The following ATR variants were observed in gnomAD, a reference collection of about 807,000 sequenced individuals.
ATR encodes ATR checkpoint kinase.
ATR carries 142 observed loss-of-function variants against 305.3 expected under a neutral mutation model. That is an observed-to-expected ratio of 0.47 (90% CI 0.41 to 0.53). The LOEUF is 0.53. Among genes scored for constraint, ATR ranks in the 20% least tolerant of loss-of-function variants. The probability of loss-of-function intolerance (pLI) is 0.00; values close to 1 mark genes in which losing one functional copy is unlikely to be tolerated. For synonymous variants in ATR, 1,050 were observed against 1,068.1 expected, an observed-to-expected ratio of 0.98 and a Z score of 0.33; for missense variants, 2,135 against 3,133.1, an observed-to-expected ratio of 0.68 and a Z score of 7.60.
intron 15 of ATR, 65 bp from the exon 16 acceptor site, chr3:142,547,975 T>C (rs1218997417): frequency 1.4e-6 from 2 of 1,396,874 alleles, no homozygotes; most frequent in Non-Finnish European, 2.0e-6. Context: ...ATAAGTATAC[T>C]GATTTTAACA....
chr3:142,536,103 A>T lies in ATR; in HGVS notation c.3819+5T>A. On this transcript the variant is annotated splice_donor_5th_base_variant and intron_variant, in intron 20 of 46. Coordinates refer to ENST00000350721, the MANE Select transcript of ATR (RefSeq NM_001184.4). ...CTCCTAAACCACAAATTAAAAATTA[A>T]ATACCTTTCTGTATTCCTGGAGAAC... 1 of 1,542,056 alleles carries T rather than the reference A, an allele frequency of 6.5e-7. No individual in the cohort carries two copies. The highest frequency in any genetic ancestry group is 9.0e-7 in the Non-Finnish European group (1 of 1,115,252).
chr3:142,456,494 C>T (rs1398002511), intron 45 of ATR, among the ~76,000 whole-genome samples: 1 of 151,990 alleles, frequency 6.6e-6, no homozygotes. Flanking sequence ...ATCGTTTGAA[C>T]CCAGGAGGCA....
In ATR at chr3:142,562,850, T is replaced by A. The variant is rs753005644; in HGVS notation, c.552A>T (p.Glu184Asp). 9.9e-6 allele frequency: 16 copies of A among 1,609,378 alleles called. No individual in the cohort carries two copies. The highest frequency in any genetic ancestry group is 1.4e-5 in the Non-Finnish European group (16 of 1,178,544). Residue 184 changes from glutamate to aspartate, a missense_variant, in exon 4 of 47, where the codon GAA becomes GAT. Around this residue, in one of 9 missense-constraint regions of ATR, gnomAD observed 744 missense variants for 873.2 expected, o/e 0.85. Coordinates refer to ENST00000350721, the MANE Select transcript of ATR (RefSeq NM_001184.4). ...VMSRFLSQLD[E>D]HMGYLQSAPL... ...GAGCTGATTGTAAATATCCCATGTG[T>A]TCATCTAATTGACTTAAAAATCGGC...
chr3:142,452,252 T>G, intron 46 of ATR: 7 of 995,634 alleles, frequency 7.0e-6, no homozygotes, highest in Non-Finnish European at 8.4e-6. Context: ...GAATGTAAAT[T>G]TTTAATCTTT....
At chr3:142,541,092 T>C in intron 17 of ATR, 58 bp from the exon 18 acceptor site, 1 of 1,595,130 alleles carries the variant, frequency 6.3e-7, no homozygotes, top group African/African-American at 1.3e-5. Flanking sequence ...CAGAAGCAGA[T>C]GAGCCCTAAG....
At chr3:142,514,319 T>C (rs141464357) in intron 25 of ATR, among the ~76,000 whole-genome samples, 1 of 150,388 alleles carries the variant, frequency 6.6e-6, no homozygotes, top group African/African-American at 2.4e-5. Context: ...TAATGATATT[T>C]TAAAACACTA....
rs2032702060 is a variant in ATR at position 142,513,580 on chromosome 3, T to G, written c.4562A>C (p.Asp1521Ala). Residue 1521 changes from aspartate to alanine, a missense_variant, in exon 26 of 47, where the codon GAT (aspartate) becomes GCT (alanine). Around this residue, in one of 9 missense-constraint regions of ATR, gnomAD observed 202 missense variants for 252.9 expected, o/e 0.80. Transcript: ENST00000350721. The part of the protein sequence containing the change: ...FTCCSIMMKH[D>A]FKVTIYLLPH... ...AAGAAGATAGATGGTCACTTTGAAATCATGCTTCATCATAATGCTACAGCA... is the reference window on the plus strand; with the variant it reads ...AAGAAGATAGATGGTCACTTTGAAAGCATGCTTCATCATAATGCTACAGCA... 6.2e-7 allele frequency: 1 copy of G among 1,613,480 alleles called. No homozygotes were observed. Among genetic ancestry groups the G allele is most frequent in the Non-Finnish European group, 8.5e-7 (1 of 1,179,532 alleles).
rs1406692405 is a variant in ATR at position 142,535,133 on chromosome 3, C to T, written c.3892G>A (p.Asp1298Asn). ...SMKAIQHENV[D>N]VRIHALTSLK... is the part of the protein sequence containing the mutation. Reference sequence around the variant, plus strand: ...CTTGTAAGAGCATGAATACGAACATCGACATTTTCATGTTGAATGGCCTTC... The same window carrying T: ...CTTGTAAGAGCATGAATACGAACATTGACATTTTCATGTTGAATGGCCTTC... The change falls in exon 21 of 47, where the codon GAT (aspartate) becomes AAT (asparagine). Residue 1298 changes from aspartate (D) to asparagine (N), a missense_variant. Physicochemically the swap from Asp to Asn is conservative, Grantham distance 23. Around this residue, in one of 9 missense-constraint regions of ATR, gnomAD observed 530 missense variants for 766.8 expected, o/e 0.69. Transcript: ENST00000350721. 4 of 1,612,932 alleles carry T rather than the reference C, an allele frequency of 2.5e-6. No individual in the cohort carries two copies. The highest frequency in any genetic ancestry group is 3.4e-6 in the Non-Finnish European group (4 of 1,179,356).
rs537834620 is a variant in ATR, at chr3:142,474,900, T to C, written c.6222-4717A>G. Among the ~76,000 whole-genome samples, 5 of 152,186 alleles carry C rather than the reference T, an allele frequency of 3.3e-5. No homozygotes were observed. In the East Asian group the frequency reaches 9.6e-4, roughly 29 times the overall value. ...ACTGTGTTGAGGTACATTCCTTCTA[T>C]ACATATTTTTTTTTTAAAAAAAGTT... On this transcript the variant is annotated intron_variant, in intron 36 of 46. Coordinates refer to ENST00000350721, the MANE Select transcript of ATR (RefSeq NM_001184.4).
At chr3:142,511,656 A>C in intron 27 of ATR, among the ~76,000 whole-genome samples, 1 of 147,688 alleles carries the variant, frequency 6.8e-6, no homozygotes, top group East Asian at 2.0e-4. Context: ...ACTCCATCTC[A>C]AAAAAAAATT....
intron 3 of ATR, among the ~76,000 whole-genome samples, chr3:142,564,961 T>C (rs879765102): frequency 1.3e-5 from 2 of 152,116 alleles, no homozygotes; most frequent in South Asian, 4.1e-4. Context: ...TTGGTTTTGG[T>C]AGAGACAGGA....
Position 142,467,948 on chromosome 3 carries a change from A to G in ATR, c.6673T>C (p.Leu2225=). The change falls in exon 39 of 47, where the codon TTG becomes CTG. Residue 2225 remains leucine (L), a synonymous_variant. Transcript: ENST00000350721. ...TATGATAGTACCGGTTTATTGCACA[A>G]TTCTAGAAGCTTATCTGTTAGGCGA... The part of the protein sequence containing the change: ...ATRLTDKLLE[L]CNKPVDGSSS... 6.2e-7 allele frequency: 1 copy of G among 1,612,888 alleles called. No homozygotes were observed. The highest frequency in any genetic ancestry group is 8.5e-7 in the Non-Finnish European group (1 of 1,179,412).
chr3:142,461,894 T>C, intron 42 of ATR, 46 bp downstream of exon 42: 1 of 1,577,060 alleles, frequency 6.3e-7, no homozygotes, highest in East Asian at 2.2e-5. Flanking sequence ...CCATATTATA[T>C]AACTTAGTAC....
intron 30 of ATR, among the ~76,000 whole-genome samples, chr3:142,501,441 G>A (rs2031959020): frequency 6.6e-6 from 1 of 152,138 alleles, no homozygotes. Flanking sequence ...CTGACCAACA[G>A]TGAACTTCTC....
In ATR at chr3:142,535,192, C is replaced by G. The variant is rs762819328; in HGVS notation, c.3833G>C (p.Ser1278Thr). 1 of 1,613,080 alleles carries G rather than the reference C, an allele frequency of 6.2e-7. No individual in the cohort carries two copies. Among genetic ancestry groups the G allele is most frequent in the Non-Finnish European group, 8.5e-7 (1 of 1,179,342 alleles). Reference protein sequence around the residue: ...LQEYRKETSESTDLQTTLQLS... With the variant: ...LQEYRKETSETTDLQTTLQLS... ...CTGAAGAGTTGTCTGAAGATCAGTG[C>G]TCTCAGAGGTCTCCTATATACAAAG... Residue 1278 changes from serine (S) to threonine (T), a missense_variant, in exon 21 of 47, where the codon AGC becomes ACC. Ser to Thr is a moderately conservative substitution (Grantham distance 58). Coordinates refer to ENST00000350721, the MANE Select transcript of ATR (RefSeq NM_001184.4).
In ATR at chr3:142,535,213, C is replaced by T. The variant is rs2108425493; in HGVS notation, c.3820-8G>A. On this transcript the variant is annotated splice_region_variant and splice_polypyrimidine_tract_variant and intron_variant, in intron 20 of 46. Transcript: ENST00000350721. ...AGTGCTCTCAGAGGTCTCCTATATA[C>T]AAAGCACAGAGAGACAGAACTTATT... 6.2e-7 allele frequency: 1 copy of T among 1,612,762 alleles called. No individual in the cohort carries two copies.
chr3:142,469,495 A>C lies in ATR; in HGVS notation c.6394T>G (p.Tyr2132Asp), dbSNP rs28910273. 5.4e-3 allele frequency: 8,698 copies of C among 1,613,910 alleles called. 24 individuals are homozygous for C. The highest frequency in any genetic ancestry group is 6.8e-3 in the Non-Finnish European group (8,018 of 1,179,848). ...GTCAAAAATTGATATGGAGCTAAAT[A>C]GTTTGTATGCTCTGTGATAACCTTG... Reference protein sequence around the residue: ...INKVITEHTNYLAPYQFLTAF... With the variant: ...INKVITEHTNDLAPYQFLTAF... The change falls in exon 38 of 47, where the codon TAT becomes GAT. Residue 2132 changes from tyrosine to aspartate, a missense_variant. Around this residue, in one of 9 missense-constraint regions of ATR, gnomAD observed 462 missense variants for 887.6 expected, o/e 0.52. Transcript: ENST00000350721.
intron 21 of ATR, 61 bp downstream of exon 21, chr3:142,535,018 CT>C: frequency 6.6e-7 from 1 of 1,515,170 alleles, no homozygotes; most frequent in Non-Finnish European, 9.0e-7. Context: ...ATTTTGTCAT[CT>C]TTTCTTTAAG....
rs2034566906 is a variant in ATR, at chr3:142,553,819, A to G, written c.2532+6T>C. On this transcript the variant is annotated splice_donor_region_variant and intron_variant, in intron 11 of 46. Coordinates refer to ENST00000350721, the MANE Select transcript of ATR (RefSeq NM_001184.4). ...AACTCAAATGTTAAAAACAAAAATT[A>G]TCAACCTCCTTTATAAATCCATCTT... 6.2e-7 allele frequency: 1 copy of G among 1,613,326 alleles called. No homozygotes were observed.
Sources: allele counts gnomAD v4.1 joint callset (sites outside exome capture counted in the v4.1 genomes callset), GRCh38; gene constraint gnomAD v4.1.1; regional missense constraint gnomAD v4.1.1; transcripts MANE v1.5; gene names NCBI Gene and HGNC (gene_info 2026-07-23, HGNC 2026-07-21).